CGNL1: variants seen among roughly 807,000 people sequenced by gnomAD.
CGNL1 encodes the protein cingulin like 1.
A neutral mutation model predicts 141.2 loss-of-function variants in CGNL1; 132 were observed. The observed-to-expected ratio is 0.93, with a 90% CI of 0.81 to 1.08. The LOEUF (loss-of-function observed/expected upper bound fraction) is 1.08, where lower values mean the gene tolerates loss of function less well. CGNL1 is among the 50% of genes least tolerant of loss of function. The pLI is 0.00. For synonymous variants in CGNL1, 690 were observed against 622.1 expected, an observed-to-expected ratio of 1.11 and a Z score of -1.63; for missense variants, 1,870 against 1,588.6, an observed-to-expected ratio of 1.18 and a Z score of -3.01.
rs748207700 is a variant in CGNL1 at position 57,516,947 on chromosome 15, C to T, written c.2571C>T (p.Gly857=). 26 of 1,613,394 alleles carry T rather than the reference C, an allele frequency of 1.6e-5. No individual in the cohort carries two copies. Among genetic ancestry groups the T allele is most frequent in the Admixed American group, 3.3e-5 (2 of 59,990 alleles). ...AAAGGCAGATCGAGGACCTGAAAGGCGATGAAGCCAAGGCGAAGGAAACGC... is the reference window on the plus strand; with the variant it reads ...AAAGGCAGATCGAGGACCTGAAAGGTGATGAAGCCAAGGCGAAGGAAACGC... The part of the protein sequence containing the change: ...QLQRQIEDLK[G]DEAKAKETLK... Residue 857 remains glycine (G), a synonymous_variant, in exon 9 of 19, where the codon GGC becomes GGT. Transcript: ENST00000281282.
chr15:57,506,953 T>A (rs768664535), intron 8 of CGNL1, among the ~76,000 whole-genome samples: 2 of 152,226 alleles, frequency 1.3e-5, no homozygotes, highest in Admixed American at 6.5e-5. Flanking sequence ...AACACAAAAT[T>A]CATTTTAAGC....
intron 8 of CGNL1, among the ~76,000 whole-genome samples, chr15:57,462,961 C>T (rs2063465456): frequency 6.6e-6 from 1 of 151,996 alleles, no homozygotes; most frequent in African/African-American, 2.4e-5. Context: ...CTGTTATTTG[C>T]ATCTCATTTC....
At chr15:57,420,188 A>G (rs1365253030) in intron 1 of CGNL1, among the ~76,000 whole-genome samples, 1 of 152,142 alleles carries the variant, frequency 6.6e-6, no homozygotes, top group African/African-American at 2.4e-5. Context: ...TAAGCCATTT[A>G]TTCAAAGAAC....
intron 8 of CGNL1, among the ~76,000 whole-genome samples, chr15:57,475,917 G>T (rs1270904100): frequency 3.3e-5 from 5 of 152,114 alleles, no homozygotes; most frequent in Non-Finnish European, 7.3e-5. Flanking sequence ...TCCTTCTTGG[G>T]TCCACCCAGC....
intron 8 of CGNL1, among the ~76,000 whole-genome samples, chr15:57,467,278 G>C (rs1385721165): frequency 1.3e-5 from 2 of 152,180 alleles, no homozygotes; most frequent in African/African-American, 4.8e-5. Context: ...CCCTATAGGA[G>C]ACCCCATGGC....
intron 8 of CGNL1, among the ~76,000 whole-genome samples, chr15:57,505,528 G>A (rs1370757506): frequency 6.6e-6 from 1 of 152,146 alleles, no homozygotes; most frequent in Non-Finnish European, 1.5e-5. Flanking sequence ...TAGGAGCCTG[G>A]TCTGCTCAGC....
At chr15:57,493,163 A>G (rs374705464) in intron 8 of CGNL1, among the ~76,000 whole-genome samples, 1 of 152,228 alleles carries the variant, frequency 6.6e-6, no homozygotes, top group Admixed American at 6.5e-5. Context: ...TTTGCAGTGA[A>G]GTTAATGCTG....
intron 8 of CGNL1, among the ~76,000 whole-genome samples, chr15:57,490,628 C>G (rs1048549379): frequency 6.6e-6 from 1 of 152,062 alleles, no homozygotes; most frequent in Non-Finnish European, 1.5e-5. Flanking sequence ...GGAAGAGTTC[C>G]AAATAATTTA....
intron 13 of CGNL1, 39 bp from the exon 14 acceptor site, chr15:57,531,651 T>C (rs749223120): frequency 7.3e-7 from 1 of 1,363,986 alleles, no homozygotes; most frequent in East Asian, 2.3e-5. Flanking sequence ...TCCCGGTCAG[T>C]GCAAGTTAAG....
rs1217621303 is a variant in CGNL1, at chr15:57,548,288, A to G, written c.*798A>G. ...AGTGCTGAGATTACAGGCATGAGCC[A>G]CCACGCCCAGCCATTGAGTATTCTT... On this transcript the variant is annotated 3_prime_UTR_variant, in exon 19 of 19. Transcript: ENST00000281282. The G allele has an allele frequency of 6.6e-6, 1 of 152,236 alleles. No homozygotes were observed. The highest frequency in any genetic ancestry group is 2.4e-5 in the African/African-American group (1 of 41,458). The allele number at this position is 152,236 out of a possible 1,614,324, so 9.4% of individuals were successfully genotyped here. A position where few individuals can be genotyped will look rare whatever the true frequency, so the allele number is the denominator to read the frequency against.
chr15:57,478,409 C>G (rs777424299), intron 8 of CGNL1: 1 of 152,166 alleles, frequency 6.6e-6, no homozygotes, highest in African/African-American at 2.4e-5. Context: ...TCTGGTGCTG[C>G]GAGAAGGTTC....
At chr15:57,518,931 C>T (rs762880488) in intron 10 of CGNL1, among the ~76,000 whole-genome samples, 2 of 152,198 alleles carry the variant, frequency 1.3e-5, no homozygotes, top group Admixed American at 6.5e-5. Context: ...GACTGGCCTC[C>T]GAGGCGGTGT....
At chr15:57,405,829 T>TCTTTCTTTCC (rs1210359951) in intron 1 of CGNL1, 5 of 91,886 alleles carry the variant, frequency 5.4e-5, no homozygotes, top group East Asian at 2.8e-4. Context: ...TTTCTTTCTT[T>TCTTTCTTTCC]TTCTTTCTTT....
intron 1 of CGNL1, among the ~76,000 whole-genome samples, chr15:57,376,773 C>T (rs867711096): frequency 1.3e-5 from 2 of 151,132 alleles, no homozygotes; most frequent in African/African-American, 2.4e-5. Flanking sequence ...CGCCGCGCCC[C>T]GCCGAGGGCA....
At chr15:57,493,803 G>C (rs929407823) in intron 8 of CGNL1, among the ~76,000 whole-genome samples, 3 of 152,158 alleles carry the variant, frequency 2.0e-5, no homozygotes, top group African/African-American at 7.2e-5. Context: ...CATCTGCTAT[G>C]GTTATAATAG....
At chr15:57,407,451 C>T (rs1038716075) in intron 1 of CGNL1, among the ~76,000 whole-genome samples, 2 of 152,054 alleles carry the variant, frequency 1.3e-5, no homozygotes, top group Non-Finnish European at 1.5e-5. Context: ...GAGGGAAGGA[C>T]TGCTTGAGAC....
chr15:57,470,552 G>A (rs1015541174), intron 8 of CGNL1, among the ~76,000 whole-genome samples: 1 of 152,092 alleles, frequency 6.6e-6, no homozygotes, highest in African/African-American at 2.4e-5. Context: ...GTCACTCCTG[G>A]TGTTTTACCT....
At chr15:57,511,028 C>T (rs1001815144) in intron 8 of CGNL1, among the ~76,000 whole-genome samples, 2 of 152,050 alleles carry the variant, frequency 1.3e-5, no homozygotes, top group Non-Finnish European at 2.9e-5. Context: ...TTTCTGAGTT[C>T]CTGTGACCAT....
chr15:57,377,727 G>C (rs2062380885), intron 1 of CGNL1, among the ~76,000 whole-genome samples: 1 of 152,192 alleles, frequency 6.6e-6, no homozygotes, highest in South Asian at 2.1e-4. Context: ...GGGAGTGTAG[G>C]CATTAGAACC....
Sources: gnomAD v4.1 joint callset for allele counts (sites outside exome capture counted in the v4.1 genomes callset) on GRCh38, gnomAD v4.1.1 for gene constraint, MANE v1.5 for transcripts, NCBI Gene and HGNC (gene_info 2026-07-23, HGNC 2026-07-21) for gene names.